Variants in CHD2 observed in about 807,000 individuals in gnomAD.
CHD2 encodes the protein chromodomain helicase DNA binding protein 2.
Under a neutral mutation model 243.9 loss-of-function variants are expected in CHD2, and 28 were observed. The ratio of observed to expected loss-of-function variants is 0.11; its 90% CI spans 0.09 to 0.16. The LOEUF (loss-of-function observed/expected upper bound fraction) is 0.16. Ranked by LOEUF, CHD2 falls within the 10% of genes least tolerant of loss-of-function variation. The pLI is 1.00. For missense variants in CHD2, 1,386 were observed against 2,209.8 expected (o/e 0.63, Z 7.47); for synonymous variants, 775 against 779.0 (o/e 0.99, Z 0.09).
rs8041241 is a variant in CHD2 at position 92,980,968 on chromosome 15, A to G, written c.2973+57A>G. 87,130 of 1,142,142 alleles carry G rather than the reference A, an allele frequency of 0.076. 3,779 individuals are homozygous for G. The highest frequency in any genetic ancestry group is 0.17 in the Middle Eastern group (881 of 5,174). The allele number at this position is 1,142,142 out of a possible 1,614,324, so 70.8% of individuals were successfully genotyped here. A position where few individuals can be genotyped will look rare whatever the true frequency, so the allele number is the denominator to read the frequency against. On this transcript the variant is annotated intron_variant, in intron 23 of 38. Coordinates refer to ENST00000394196, the MANE Select transcript of CHD2 (RefSeq NM_001271.4). ...TGAGAAGTATGATCTGTGAGAGTCT[A>G]ACTTTTCTGTAAGAAGATTCTGTTA...
chr15:92,915,279 G>GT (rs771707377), intron 2 of CHD2, among the ~76,000 whole-genome samples: 3,528 of 145,610 alleles, frequency 0.024, 70 homozygotes, highest in Admixed American at 0.083. Flanking sequence ...TATAATTAAA[G>GT]TTTTTTTTTT....
At chr15:92,936,282 C>T (rs72761953) in intron 5 of CHD2, among the ~76,000 whole-genome samples, 8,404 of 152,302 alleles carry the variant, frequency 0.055, 311 homozygotes, top group Non-Finnish European at 0.082. Flanking sequence ...ATTGATTTGA[C>T]ATTTGTCTTG....
chr15:93,023,311 A>G (rs2054554948), intron 38 of CHD2, among the ~76,000 whole-genome samples: 2 of 152,208 alleles, frequency 1.3e-5, no homozygotes, highest in Admixed American at 1.3e-4. Flanking sequence ...TCTTTCACTT[A>G]GCATAATGTT....
At chr15:92,999,216 A>T (rs1469908584) in intron 31 of CHD2, among the ~76,000 whole-genome samples, 2 of 151,294 alleles carry the variant, frequency 1.3e-5, no homozygotes, top group African/African-American at 4.9e-5. Flanking sequence ...CCACTATTCC[A>T]CACATACTGT....
chr15:92,903,020 C>G (rs1385193043), intron 2 of CHD2, among the ~76,000 whole-genome samples: 3 of 152,178 alleles, frequency 2.0e-5, no homozygotes, highest in Non-Finnish European at 4.4e-5. Context: ...CATGTACTGA[C>G]TGTACTTTTA....
chr15:92,990,437 G>A (rs1395191142), intron 26 of CHD2, among the ~76,000 whole-genome samples: 1 of 152,174 alleles, frequency 6.6e-6, no homozygotes, highest in Admixed American at 6.5e-5. Context: ...GATTGTGACC[G>A]TTTATGCCAG....
At chr15:92,914,836 G>A (rs1462864367) in intron 2 of CHD2, 2 of 152,154 alleles carry the variant, frequency 1.3e-5, no homozygotes, top group African/African-American at 2.4e-5. Flanking sequence ...TGGAACAATC[G>A]GTTTTTATAA....
chr15:93,000,561 C>T lies in CHD2; in HGVS notation c.4058C>T (p.Pro1353Leu), dbSNP rs755088564. 220 of 1,613,496 alleles carry T rather than the reference C, an allele frequency of 1.4e-4. No individual in the cohort carries two copies. Among genetic ancestry groups the T allele is most frequent in the Non-Finnish European group, 1.8e-4 (208 of 1,179,718 alleles). The part of the protein sequence containing the change: ...KPRVKKENKV[P>L]RLKEEHGIEL... ...CGGGTAAAGAAGGAAAACAAAGTGC[C>T]CAGGCTGAAAGAGGAGCATGGAATT... Residue 1353 changes from proline to leucine, a missense_variant, in exon 32 of 39, where the codon CCC becomes CTC. Pro to Leu is a moderately conservative substitution (Grantham distance 98, BLOSUM62 -3). Around this residue, in one of 19 missense-constraint regions of CHD2, gnomAD observed 125 missense variants for 128.9 expected, o/e 0.97. Coordinates refer to ENST00000394196, the MANE Select transcript of CHD2 (RefSeq NM_001271.4).
At chr15:92,901,486 T>A in intron 2 of CHD2, 187 bp downstream of exon 2, 1 of 604,024 alleles carries the variant, frequency 1.7e-6, no homozygotes, top group Non-Finnish European at 3.0e-6. Flanking sequence ...GGTAGCAATT[T>A]ATGAAAGTTG....
At chr15:92,932,646 T>TA in intron 5 of CHD2, among the ~76,000 whole-genome samples, 1 of 152,312 alleles carries the variant, frequency 6.6e-6, no homozygotes, top group East Asian at 1.9e-4. Context: ...GGGAGCACTT[T>TA]CACAGCCTTC....
rs1166628962 is a variant in CHD2, at chr15:92,941,732, G to A, written c.693-90G>A. The A allele has an allele frequency of 3.8e-6, 5 of 1,315,942 alleles. No individual in the cohort carries two copies. In the Admixed American group the frequency reaches 7.2e-5, roughly 19 times the overall value. The allele number at this position is 1,315,942 out of a possible 1,614,324, so 81.5% of individuals were successfully genotyped here. ...ACAACATGCTTTTGGAACCAAAAGG[G>A]TATGGTTTCTTATTCTAGTGACGGT... is the stretch of plus-strand genomic sequence containing the variant. On this transcript the variant is annotated intron_variant, in intron 7 of 38. Coordinates refer to ENST00000394196, the MANE Select transcript of CHD2 (RefSeq NM_001271.4).
intron 2 of CHD2, chr15:92,904,928 A>C (rs2052591357): frequency 6.5e-7 from 1 of 1,536,048 alleles, no homozygotes; most frequent in Non-Finnish European, 8.7e-7. Flanking sequence ...AACAAAGGGA[A>C]GATTATTTGA....
intron 12 of CHD2, chr15:92,947,625 C>G (rs2053490745): frequency 6.6e-6 from 1 of 152,100 alleles, no homozygotes; most frequent in South Asian, 2.1e-4. Context: ...TTATTAAAGC[C>G]AGAAGGTCCA....
intron 6 of CHD2, among the ~76,000 whole-genome samples, chr15:92,938,325 G>GAA (rs1309918139): frequency 6.6e-6 from 1 of 152,180 alleles, no homozygotes; most frequent in Non-Finnish European, 1.5e-5. Context: ...GTTCTCATTA[G>GAA]TAGATATATA....
At chr15:92,948,567 C>T (rs1338259792) in intron 12 of CHD2, among the ~76,000 whole-genome samples, 10 of 152,164 alleles carry the variant, frequency 6.6e-5, no homozygotes, top group Admixed American at 6.5e-4. Flanking sequence ...GGCGCGGTGG[C>T]TCACGCCTGT....
At chr15:92,972,169 CT>C (rs1235447136) in intron 18 of CHD2, 95 bp from the exon 19 acceptor site, 64 of 1,377,512 alleles carry the variant, frequency 4.6e-5, no homozygotes, top group Non-Finnish European at 6.0e-5. Flanking sequence ...CTTCAGAAAG[CT>C]TTAAGATGAT....
rs1275848961 is a variant in CHD2, at chr15:92,942,960, C to G, written c.944C>G (p.Ser315Cys). 1.9e-6 allele frequency: 3 copies of G among 1,614,036 alleles called. No individual in the cohort carries two copies. The highest frequency in any genetic ancestry group is 2.5e-6 in the Non-Finnish European group (3 of 1,179,966). Reference sequence around the variant, plus strand: ...TACCTCATCAAGTGGAAGGGTTGGTCTTACATCCACAGCACATGGGAGAGT... The same window carrying G: ...TACCTCATCAAGTGGAAGGGTTGGTGTTACATCCACAGCACATGGGAGAGT... The part of the protein sequence containing the change: ...IQYLIKWKGW[S>C]YIHSTWESEE... Residue 315 changes from serine (S) to cysteine (C), a missense_variant, in exon 9 of 39, where the codon TCT (serine) becomes TGT (cysteine). Physicochemically the swap from Ser to Cys is moderately radical, Grantham distance 112 (BLOSUM62 -1). Transcript: ENST00000394196.
intron 19 of CHD2, 185 bp from the exon 20 acceptor site, chr15:92,974,694 A>C: frequency 2.0e-6 from 1 of 502,220 alleles, no homozygotes; most frequent in Non-Finnish European, 3.6e-6. Context: ...CTGTAACTGG[A>C]GAGCTCAGGT....
intron 2 of CHD2, chr15:92,904,981 A>G: frequency 6.5e-7 from 1 of 1,536,084 alleles, no homozygotes. Context: ...ACATTTTCTC[A>G]GTTGGCATTT....
Sources: gnomAD v4.1 joint callset for allele counts (sites outside exome capture counted in the v4.1 genomes callset) on GRCh38, gnomAD v4.1.1 for gene constraint, gnomAD v4.1.1 regional missense constraint, MANE v1.5 for transcripts, NCBI Gene and HGNC (gene_info 2026-07-23, HGNC 2026-07-21) for gene names.